HVCN1: variants seen among roughly 807,000 people sequenced by gnomAD.
The protein encoded by HVCN1 is hydrogen voltage gated channel 1.
HVCN1 carries 14 observed loss-of-function variants against 29.2 expected under a neutral mutation model. The observed-to-expected ratio is 0.48, with a 90% CI of 0.32 to 0.75. The LOEUF (loss-of-function observed/expected upper bound fraction) is 0.75, where lower values mean the gene tolerates loss of function less well. Ranked by LOEUF, HVCN1 falls within the 30% of genes least tolerant of loss-of-function variation. The pLI, the probability that HVCN1 is intolerant of heterozygous loss-of-function variation, is 0.04. For synonymous variants in HVCN1, 131 were observed against 133.2 expected, an observed-to-expected ratio of 0.98 and a Z score of 0.11; for missense variants, 263 against 341.8, an observed-to-expected ratio of 0.77 and a Z score of 1.82.
At chr12:110,666,422 AAAAAGAAAAGAAAAG>A (rs59983139) in intron 3 of HVCN1, among the ~76,000 whole-genome samples, 1 of 151,754 alleles carries the variant, frequency 6.6e-6, no homozygotes, top group Non-Finnish European at 1.5e-5. Flanking sequence ...GACTCCGCCT[AAAAAGAAAAGAAAAG>A]AAAAGAAAAG....
rs140708722 is a variant in HVCN1 at position 110,661,197 on chromosome 12, C to T, written c.273G>A (p.Met91Ile). The change falls in exon 4 of 8, where the codon ATG becomes ATA. Residue 91 changes from methionine (M) to isoleucine (I), a missense_variant. Transcript: ENST00000242607. This position sits in a 1 kb window ranked among gnomAD's most constrained non-coding sequence, Gnocchi z 6.2. ...APRAPLDFRGMLRKLFSSHRF... is the reference protein window; with the variant it reads ...APRAPLDFRGILRKLFSSHRF... ...TGTGGGAGCTGAACAGTTTCCTCAA[C>T]ATGCCCCTGAAGTCAAGGGGGGCCC... 9.1e-3 allele frequency: 14,593 copies of T among 1,612,280 alleles called. 73 individuals are homozygous for T. Among genetic ancestry groups the T allele is most frequent in the Non-Finnish European group, 0.01 (11,914 of 1,178,676 alleles).
At chr12:110,697,649 C>CTT (rs570801385) in intron 2 of HVCN1, among the ~76,000 whole-genome samples, 49 of 134,204 alleles carry the variant, frequency 3.7e-4, no homozygotes, top group African/African-American at 1.2e-3. Context: ...CGCGAAGCAT[C>CTT]TTTTTTTTTT....
intron 4 of HVCN1, among the ~76,000 whole-genome samples, chr12:110,659,572 G>C (rs1272015932): frequency 6.6e-6 from 1 of 152,212 alleles, no homozygotes; most frequent in Non-Finnish European, 1.5e-5. Context: ...GATGGGGATT[G>C]GGTCCAGAGA....
chr12:110,675,119 G>GC (rs145502135), intron 3 of HVCN1, among the ~76,000 whole-genome samples: 1 of 152,348 alleles, frequency 6.6e-6, no homozygotes, highest in African/African-American at 2.4e-5. Context: ...CCTGTTTGCT[G>GC]TTTTAATTTA....
intron 2 of HVCN1, among the ~76,000 whole-genome samples, chr12:110,701,935 G>A (rs998346191): frequency 6.7e-6 from 1 of 149,064 alleles, no homozygotes; most frequent in African/African-American, 2.5e-5. Context: ...CACAGGTCCC[G>A]GTAGCTTTTC....
intron 1 of HVCN1, among the ~76,000 whole-genome samples, chr12:110,703,662 G>T (rs1020909575): frequency 6.7e-6 from 1 of 148,222 alleles, no homozygotes. Context: ...GCCCCACTTT[G>T]TTTATTTATT....
intron 2 of HVCN1, among the ~76,000 whole-genome samples, chr12:110,687,573 C>T (rs945214956): frequency 6.6e-6 from 1 of 151,656 alleles, no homozygotes; most frequent in Non-Finnish European, 1.5e-5. Flanking sequence ...GCTTGGCAGG[C>T]GATGCTGGGG....
chr12:110,680,478 A>G (rs1030362346), intron 3 of HVCN1, among the ~76,000 whole-genome samples: 2 of 152,172 alleles, frequency 1.3e-5, no homozygotes, highest in Non-Finnish European at 2.9e-5. Flanking sequence ...ACAGACCTAT[A>G]GCCTTGATCT....
chr12:110,700,382 C>A (rs543312984), intron 2 of HVCN1, among the ~76,000 whole-genome samples: 13 of 152,194 alleles, frequency 8.5e-5, no homozygotes, highest in Admixed American at 4.6e-4. Flanking sequence ...CCAGAGGAGG[C>A]CTTTGGGGCA....
chr12:110,682,209 A>G (rs1205615719), intron 3 of HVCN1, among the ~76,000 whole-genome samples: 1 of 152,076 alleles, frequency 6.6e-6, no homozygotes, highest in Non-Finnish European at 1.5e-5. Flanking sequence ...GCTGGTCTCA[A>G]ACTCCTGACT....
rs552326539 is a variant in HVCN1, at chr12:110,676,031, G to A, written c.21+7194C>T. The stretch of plus-strand genomic sequence containing the variant: ...ACATGGTAACCACCACCTGTCAGTG[G>A]ACAGTCCACAGACTTGCAGCTGGGT... On this transcript the variant is annotated intron_variant, in intron 3 of 7. Coordinates refer to ENST00000242607, the MANE Select transcript of HVCN1 (RefSeq NM_032369.4). The surrounding 1 kb of genome is among the most constrained non-coding windows in gnomAD (Gnocchi z 4.1). Among the ~76,000 whole-genome samples, 2 of 152,308 alleles carry A rather than the reference G, an allele frequency of 1.3e-5. No individual in the cohort carries two copies. Among genetic ancestry groups the A allele is most frequent in the South Asian group, 4.1e-4 (2 of 4,828 alleles).
At chr12:110,704,839 C>T (rs545626099) in intron 1 of HVCN1, 40 of 152,390 alleles carry the variant, frequency 2.6e-4, no homozygotes, top group African/African-American at 9.4e-4. Flanking sequence ...CTGGCACAAT[C>T]CTAGAGCTGG....
chr12:110,659,600 C>G (rs2068095804), intron 4 of HVCN1, among the ~76,000 whole-genome samples: 1 of 152,242 alleles, frequency 6.6e-6, no homozygotes, highest in Admixed American at 6.5e-5. Context: ...CCAGACTCCA[C>G]TTGCATTTGT....
At chr12:110,650,710 T>C (rs78284703) in intron 6 of HVCN1, among the ~76,000 whole-genome samples, 1 of 151,740 alleles carries the variant, frequency 6.6e-6, no homozygotes, top group African/African-American at 2.4e-5. Context: ...TTTTTTTTTT[T>C]TTGAGATGGG....
At chr12:110,688,310 T>G (rs1297297472) in intron 2 of HVCN1, 2 of 152,134 alleles carry the variant, frequency 1.3e-5, no homozygotes, top group Non-Finnish European at 2.9e-5. Context: ...CACCCAGCAC[T>G]GGTAAAAGTG....
chr12:110,686,882 C>T (rs1464327742), intron 2 of HVCN1, among the ~76,000 whole-genome samples: 2 of 152,122 alleles, frequency 1.3e-5, no homozygotes, highest in African/African-American at 2.4e-5. Flanking sequence ...CAAAAACATG[C>T]ACAATATGGA....
intron 3 of HVCN1, among the ~76,000 whole-genome samples, chr12:110,679,249 G>A (rs1398832510): frequency 6.6e-6 from 1 of 152,178 alleles, no homozygotes; most frequent in African/African-American, 2.4e-5. Context: ...CAGCCGAGGT[G>A]GGTAAGGAAC....
chr12:110,693,571 A>C (rs539545297), upstream of HVCN1, among the ~76,000 whole-genome samples: 77 of 152,166 alleles, frequency 5.1e-4, no homozygotes, highest in South Asian at 2.9e-3. Context: ...GGAAAAAAAA[A>C]CCCACTAACT....
rs1037101378 is a variant in HVCN1, at chr12:110,676,335, T to C, written c.21+6890A>G. On this transcript the variant is annotated intron_variant, in intron 3 of 7. Transcript: ENST00000242607. The surrounding 1 kb of genome is among the most constrained non-coding windows in gnomAD (Gnocchi z 4.1). ...CTGCAGGAGAGCATCCCTCCAAGCA[T>C]GACTACATCACTCCCTGTGCAGAAA... Among the ~76,000 whole-genome samples the C allele has an allele frequency of 5.5e-4, 84 of 152,186 alleles. No homozygotes were observed. Among genetic ancestry groups the C allele is most frequent in the African/African-American group, 1.9e-3 (79 of 41,450 alleles).
Sources: gnomAD v4.1 joint callset for allele counts (sites outside exome capture counted in the v4.1 genomes callset) on GRCh38, gnomAD v4.1.1 for gene constraint, Gnocchi (gnomAD v3.1) non-coding constraint, MANE v1.5 for transcripts, NCBI Gene and HGNC (gene_info 2026-07-23, HGNC 2026-07-21) for gene names.